LY6S: variants seen among roughly 807,000 people sequenced by gnomAD.
LY6S encodes lymphocyte antigen 6 family member S.
chr8:143,045,580 C>T, the LY6S span, among the ~76,000 whole-genome samples: 1 of 152,082 alleles, frequency 6.6e-6, no homozygotes, highest in Non-Finnish European at 1.5e-5. This position sits in a 1 kb window ranked among gnomAD's most constrained non-coding sequence, Gnocchi z 5.3. Context: ...CACCCAGAGC[C>T]CCATGGCTGT....
the LY6S span, among the ~76,000 whole-genome samples, chr8:143,064,508 T>G: frequency 6.6e-6 from 1 of 152,208 alleles, no homozygotes; most frequent in Non-Finnish European, 1.5e-5. Context: ...ACCCAGTTTT[T>G]CGATTGCAAG....
the LY6S span, among the ~76,000 whole-genome samples, chr8:143,073,791 A>G: frequency 1.4e-5 from 2 of 139,368 alleles, no homozygotes; most frequent in African/African-American, 5.3e-5. Context: ...CTGTTTGAGG[A>G]GACAGCCGTC....
the LY6S span, among the ~76,000 whole-genome samples, chr8:143,058,874 CTT>C: frequency 2.0e-5 from 3 of 152,212 alleles, no homozygotes; most frequent in African/African-American, 7.2e-5. Flanking sequence ...GGCTCGCACT[CTT>C]GTCTTCCGGT....
chr8:143,073,975 C>T, the LY6S span, among the ~76,000 whole-genome samples: 1 of 151,644 alleles, frequency 6.6e-6, no homozygotes, highest in Non-Finnish European at 1.5e-5. Flanking sequence ...AGCCGTCGTC[C>T]CCGGGGTCCC....
At chr8:143,072,550 G>C in the LY6S span, among the ~76,000 whole-genome samples, 1 of 138,704 alleles carries the variant, frequency 7.2e-6, no homozygotes, top group Non-Finnish European at 1.6e-5. Flanking sequence ...CGTCGTCCTC[G>C]TGGTCCCTGT....
At chr8:143,065,047 C>T in the LY6S span, among the ~76,000 whole-genome samples, 1 of 152,156 alleles carries the variant, frequency 6.6e-6, no homozygotes, top group Non-Finnish European at 1.5e-5. Context: ...TGTAACAAGT[C>T]CGAGGTGGAG....
chr8:143,043,240 T>C, the LY6S span: 2 of 1,366,314 alleles, frequency 1.5e-6, no homozygotes, highest in South Asian at 2.3e-5. Context: ...CAGCAAGAGA[T>C]CTGGGAGTCC....
the LY6S span, among the ~76,000 whole-genome samples, chr8:143,062,243 T>A: frequency 6.6e-6 from 1 of 152,256 alleles, no homozygotes; most frequent in Non-Finnish European, 1.5e-5. Flanking sequence ...AAATCAAATA[T>A]ATTCTATAGA....
the LY6S span, among the ~76,000 whole-genome samples, chr8:143,048,680 G>A: frequency 6.6e-6 from 1 of 152,044 alleles, no homozygotes; most frequent in African/African-American, 2.4e-5. Flanking sequence ...ATGTTGGCCA[G>A]GCTGGTCTCG....
At chr8:143,042,962 G>T in the LY6S span, 2 of 1,340,478 alleles carry the variant, frequency 1.5e-6, no homozygotes, top group South Asian at 1.1e-5. Context: ...TGACAGGGAA[G>T]CCCCGACCTC....
the LY6S span, among the ~76,000 whole-genome samples, chr8:143,071,363 C>A: frequency 6.6e-6 from 1 of 152,092 alleles, no homozygotes; most frequent in African/African-American, 2.4e-5. Flanking sequence ...TTTTAAGGCC[C>A]TGAAACGATT....
At chr8:143,056,434 T>C in the LY6S span, among the ~76,000 whole-genome samples, 1 of 152,016 alleles carries the variant, frequency 6.6e-6, no homozygotes, top group Non-Finnish European at 1.5e-5. Flanking sequence ...AATTGATACA[T>C]TTTTATAGCA....
At chr8:143,057,432 T>C in the LY6S span, 1 of 500,722 alleles carries the variant, frequency 2.0e-6, no homozygotes, top group East Asian at 4.2e-5. Context: ...GTATTTTTAG[T>C]AGAAACAGGG....
the LY6S span, among the ~76,000 whole-genome samples, chr8:143,055,265 A>G: frequency 5.3e-4 from 80 of 152,150 alleles, no homozygotes; most frequent in Non-Finnish European, 1.1e-3. Context: ...TTCAGAAGCC[A>G]TTGAGACATC....
chr8:143,072,578 G>C, the LY6S span, among the ~76,000 whole-genome samples: 1 of 126,152 alleles, frequency 7.9e-6, no homozygotes, highest in African/African-American at 3.5e-5. Context: ...GACAGCCGTC[G>C]TCCTCGGGGT....
chr8:143,066,504 T>C, the LY6S span: 1 of 269,900 alleles, frequency 3.7e-6, no homozygotes, highest in Admixed American at 3.8e-5. Flanking sequence ...TGGCCACACA[T>C]CAGGCACCAT....
the LY6S span, among the ~76,000 whole-genome samples, chr8:143,050,262 C>A: frequency 2.0e-5 from 3 of 147,502 alleles, no homozygotes; most frequent in African/African-American, 5.0e-5. Flanking sequence ...CTCACTGCAA[C>A]CTTTGCCTCC....
At chr8:143,070,442 TATTG>T in the LY6S span, among the ~76,000 whole-genome samples, 610 of 74,760 alleles carry the variant, frequency 8.2e-3, 29 homozygotes, top group African/African-American at 0.048. Context: ...ATTATATATA[TATTG>T]TATATATATA....
At chr8:143,042,670 G>A in the LY6S span, among the ~76,000 whole-genome samples, 2 of 152,208 alleles carry the variant, frequency 1.3e-5, no homozygotes, top group Non-Finnish European at 2.9e-5. Context: ...CTGTGTGGGA[G>A]GCCAGCAGGG....
Sources: gnomAD v4.1 joint callset for allele counts (sites outside exome capture counted in the v4.1 genomes callset) on GRCh38, gnomAD v4.1.1 for gene constraint, Gnocchi (gnomAD v3.1) non-coding constraint, MANE v1.5 for transcripts, NCBI Gene and HGNC (gene_info 2026-07-23, HGNC 2026-07-21) for gene names.